STXBP5L: variants seen among roughly 807,000 people sequenced by gnomAD.
STXBP5L encodes the protein syntaxin-binding protein 5-like.
A neutral mutation model predicts 144.5 loss-of-function variants in STXBP5L; 65 were observed. The ratio of observed to expected loss-of-function variants is 0.45; its 90% CI spans 0.37 to 0.55. The LOEUF (loss-of-function observed/expected upper bound fraction) is 0.55, where lower values mean the gene tolerates loss of function less well. STXBP5L is among the 20% of genes least tolerant of loss of function. STXBP5L has a pLI of 0.00. For missense variants in STXBP5L, 1,298 were observed against 1,405.5 expected (o/e 0.92, Z 1.22); for synonymous variants, 505 against 469.6 (o/e 1.08, Z -0.97).
chr3:121,042,559 G>A (rs1947233197), intron 4 of STXBP5L, among the ~76,000 whole-genome samples: 1 of 151,990 alleles, frequency 6.6e-6, no homozygotes, highest in South Asian at 2.1e-4. Flanking sequence ...AAAAATGTTT[G>A]GTTATTTTCT....
At chr3:120,980,975 G>C (rs1941709452) in intron 3 of STXBP5L, among the ~76,000 whole-genome samples, 1 of 151,992 alleles carries the variant, frequency 6.6e-6, no homozygotes, top group African/African-American at 2.4e-5. Context: ...TAATTTAGCA[G>C]GATACAAAAT....
intron 20 of STXBP5L, among the ~76,000 whole-genome samples, chr3:121,369,075 C>T (rs979788244): frequency 1.3e-5 from 2 of 152,194 alleles, no homozygotes; most frequent in African/African-American, 4.8e-5. Flanking sequence ...CACCCTGTCT[C>T]CTGAAAGCTG....
intron 19 of STXBP5L, among the ~76,000 whole-genome samples, chr3:121,312,353 T>C (rs2043561802): frequency 7.9e-6 from 1 of 126,414 alleles, no homozygotes; most frequent in Non-Finnish European, 1.6e-5. Context: ...GGGATCTAAG[T>C]AAACTAAAGA....
At chr3:121,345,668 C>A (rs2044932551) in intron 20 of STXBP5L, among the ~76,000 whole-genome samples, 1 of 152,088 alleles carries the variant, frequency 6.6e-6, no homozygotes, top group Non-Finnish European at 1.5e-5. Flanking sequence ...TCTCCAGCAT[C>A]TGTTGTTTCC....
chr3:121,300,548 G>A lies in STXBP5L; in HGVS notation c.2111-17927G>A, dbSNP rs116390443. On this transcript the variant is annotated intron_variant, in intron 19 of 26. Transcript: ENST00000471454. ...TTTTTTTCAACATAGGAGAAGTGAT[G>A]TAAGAATAATTAAAGATGCACTGTA... Among the ~76,000 whole-genome samples the A allele has an allele frequency of 8.8e-3, 1,342 of 152,008 alleles. 16 individuals are homozygous for A. Among genetic ancestry groups the A allele is most frequent in the African/African-American group, 0.031 (1,286 of 41,470 alleles).
intron 3 of STXBP5L, among the ~76,000 whole-genome samples, chr3:120,981,693 A>C (rs139994631): frequency 6.6e-6 from 1 of 152,206 alleles, no homozygotes; most frequent in Non-Finnish European, 1.5e-5. Context: ...CATTTTGAAT[A>C]AGATCCATTG....
rs370919472 is a variant in STXBP5L at position 121,369,659 on chromosome 3, G to A, written c.2177-9057G>A. Reference sequence around the variant, plus strand: ...CTGGCTTCAGAAAAGCCTTTCACCAGGCAATTCACTAGAGATTCTGGCTTG... The same window carrying A: ...CTGGCTTCAGAAAAGCCTTTCACCAAGCAATTCACTAGAGATTCTGGCTTG... On this transcript the variant is annotated intron_variant, in intron 20 of 26. Coordinates refer to ENST00000471454, the MANE Select transcript of STXBP5L (RefSeq NM_001308330.2). 4.6e-4 allele frequency among the ~76,000 whole-genome samples: 70 copies of A among 152,100 alleles called. 2 individuals carry two copies. In the South Asian group the frequency reaches 0.013, roughly 27 times the overall value.
At chr3:121,353,321 T>C (rs1192120038) in intron 20 of STXBP5L, among the ~76,000 whole-genome samples, 1 of 152,194 alleles carries the variant, frequency 6.6e-6, no homozygotes, top group African/African-American at 2.4e-5. Context: ...CTGGACTTTT[T>C]TTCGTTGGTA....
chr3:121,290,482 A>C (rs1025596284), intron 19 of STXBP5L, among the ~76,000 whole-genome samples: 4 of 152,196 alleles, frequency 2.6e-5, no homozygotes, highest in African/African-American at 9.6e-5. Flanking sequence ...ACATTCAAAA[A>C]AGAATTGGTA....
At chr3:121,324,662 T>G (rs2044085741) in intron 20 of STXBP5L, 2 of 601,434 alleles carry the variant, frequency 3.3e-6, no homozygotes, top group Non-Finnish European at 5.9e-6. Context: ...ACAACTTGTC[T>G]CAAAACTTTA....
chr3:120,981,554 C>G (rs552622467), intron 3 of STXBP5L, among the ~76,000 whole-genome samples: 124 of 152,092 alleles, frequency 8.2e-4, no homozygotes, highest in African/African-American at 2.9e-3. Flanking sequence ...AAATAATTAT[C>G]CTTAGTAAGT....
At chr3:121,006,482 C>G (rs956737069) in intron 3 of STXBP5L, among the ~76,000 whole-genome samples, 27 of 152,146 alleles carry the variant, frequency 1.8e-4, no homozygotes, top group Middle Eastern at 6.3e-3. Flanking sequence ...ATACAGCACA[C>G]TGATGGATCT....
intron 19 of STXBP5L, among the ~76,000 whole-genome samples, chr3:121,317,737 T>C (rs1345158480): frequency 6.6e-6 from 1 of 152,174 alleles, no homozygotes; most frequent in Non-Finnish European, 1.5e-5. Flanking sequence ...TTTATTAATC[T>C]GTTGTGTCTA....
intron 7 of STXBP5L, among the ~76,000 whole-genome samples, chr3:121,130,046 AT>A (rs891418480): frequency 6.6e-6 from 1 of 152,076 alleles, no homozygotes; most frequent in African/African-American, 2.4e-5. Flanking sequence ...GAACCAACTA[AT>A]TTTTATATCA....
At chr3:121,087,526 C>G (rs1576905808) in intron 5 of STXBP5L, among the ~76,000 whole-genome samples, 1 of 151,948 alleles carries the variant, frequency 6.6e-6, no homozygotes, top group Non-Finnish European at 1.5e-5. Flanking sequence ...CACGATATAT[C>G]TTTGTCTATT....
rs538853700 is a variant in STXBP5L, at chr3:121,379,297, T to C, written c.2347+411T>C. On this transcript the variant is annotated intron_variant, in intron 21 of 26. Coordinates refer to ENST00000471454, the MANE Select transcript of STXBP5L (RefSeq NM_001308330.2). ...TGTGACCAAGAACAAAGGCAAGATA[T>C]TAAATTCTAAAGTTTGCAATTTTCA... is the stretch of plus-strand genomic sequence containing the variant. Among the ~76,000 whole-genome samples the C allele has an allele frequency of 1.4e-4, 22 of 152,318 alleles. No individual in the cohort carries two copies. The South Asian group carries it at 4.3e-3, about 30-fold the overall frequency.
chr3:121,335,162 A>G (rs541084754), intron 20 of STXBP5L, among the ~76,000 whole-genome samples: 1 of 152,322 alleles, frequency 6.6e-6, no homozygotes, highest in South Asian at 2.1e-4. Flanking sequence ...ATACACCAAC[A>G]ATAGCCAAAC....
At chr3:121,353,495 G>C (rs2045383343) in intron 20 of STXBP5L, among the ~76,000 whole-genome samples, 1 of 152,062 alleles carries the variant, frequency 6.6e-6, no homozygotes, top group South Asian at 2.1e-4. Context: ...ATTCTCCAAA[G>C]GTAGTTTGTG....
intron 15 of STXBP5L, among the ~76,000 whole-genome samples, chr3:121,251,757 T>TA (rs1294850392): frequency 6.6e-6 from 1 of 151,980 alleles, no homozygotes; most frequent in African/African-American, 2.4e-5. Context: ...AAGACTGCAA[T>TA]AAACACACAA....
Sources: allele counts gnomAD v4.1 joint callset (sites outside exome capture counted in the v4.1 genomes callset), GRCh38; gene constraint gnomAD v4.1.1; transcripts MANE v1.5; gene names NCBI Gene and HGNC (gene_info 2026-07-23, HGNC 2026-07-21).